The following ROBO1 variants were observed in gnomAD, a reference collection of about 807,000 sequenced individuals.
ROBO1 encodes the protein roundabout guidance receptor 1, also known as roundabout homolog 1.
Under a neutral mutation model 195.9 loss-of-function variants are expected in ROBO1, and 149 were observed. That is an observed-to-expected ratio of 0.76 (90% CI 0.67 to 0.87). The LOEUF is 0.87. Ranked by LOEUF, ROBO1 falls within the 40% of genes least tolerant of loss-of-function variation. ROBO1 has a pLI of 0.00. For missense variants in ROBO1, 1,933 were observed against 2,068.3 expected (o/e 0.93, Z 1.27); for synonymous variants, 816 against 733.2 (o/e 1.11, Z -1.82).
intron 4 of ROBO1, among the ~76,000 whole-genome samples, chr3:78,849,122 C>T (rs1489502509): frequency 2.0e-5 from 3 of 152,036 alleles, no homozygotes; most frequent in South Asian, 2.1e-4. Context: ...TGGGGAATTC[C>T]GTGAGTGGAG....
intron 2 of ROBO1, among the ~76,000 whole-genome samples, chr3:79,556,472 A>G (rs1365331253): frequency 6.6e-6 from 1 of 152,106 alleles, no homozygotes; most frequent in Non-Finnish European, 1.5e-5. Context: ...TGAACCATAG[A>G]CCATTGTAAT....
intron 4 of ROBO1, among the ~76,000 whole-genome samples, chr3:78,788,440 T>TAA (rs35773751): frequency 0.038 from 2,873 of 75,844 alleles, 88 homozygotes; most frequent in Non-Finnish European, 0.047. Context: ...TTTTTTTTTT[T>TAA]AAAAAAAAAA....
chr3:78,954,052 T>C (rs2040920480), intron 3 of ROBO1, among the ~76,000 whole-genome samples: 1 of 151,870 alleles, frequency 6.6e-6, no homozygotes, highest in Admixed American at 6.6e-5. Flanking sequence ...GCTAAATCTT[T>C]AGTTTAAGTT....
At chr3:79,376,247 T>C (rs923491569) in intron 2 of ROBO1, among the ~76,000 whole-genome samples, 1 of 152,196 alleles carries the variant, frequency 6.6e-6, no homozygotes, top group Non-Finnish European at 1.5e-5. Flanking sequence ...ACTACTCACA[T>C]CTAGTTACTA....
chr3:78,758,253 C>T (rs2082990423), intron 4 of ROBO1, among the ~76,000 whole-genome samples: 1 of 152,164 alleles, frequency 6.6e-6, no homozygotes, highest in African/African-American at 2.4e-5. Context: ...GGGGCAGTGG[C>T]TCACGCCTGT....
At chr3:79,738,513 T>C (rs1446570200) in intron 1 of ROBO1, among the ~76,000 whole-genome samples, 1 of 151,984 alleles carries the variant, frequency 6.6e-6, no homozygotes, top group Non-Finnish European at 1.5e-5. Context: ...ATAAAAAGTC[T>C]GTAGGTGCAT....
At chr3:79,479,081 G>A (rs1938693421) in intron 2 of ROBO1, among the ~76,000 whole-genome samples, 1 of 152,146 alleles carries the variant, frequency 6.6e-6, no homozygotes, top group Non-Finnish European at 1.5e-5. Context: ...CCCCTTTTTA[G>A]CATAGGCTCT....
intron 2 of ROBO1, among the ~76,000 whole-genome samples, chr3:79,586,559 T>C (rs1483785184): frequency 6.6e-6 from 1 of 151,976 alleles, no homozygotes; most frequent in East Asian, 1.9e-4. Flanking sequence ...GTGTTCTGTC[T>C]GATTTATTCA....
intron 2 of ROBO1, among the ~76,000 whole-genome samples, chr3:79,253,109 CAA>C (rs755603233): frequency 6.6e-5 from 10 of 151,966 alleles, no homozygotes; most frequent in Non-Finnish European, 1.3e-4. Context: ...TATGGGGCAC[CAA>C]AATAAAAATG....
intron 29 of ROBO1, among the ~76,000 whole-genome samples, chr3:78,601,026 CCTT>C (rs1179893335): frequency 6.6e-6 from 1 of 152,106 alleles, no homozygotes; most frequent in East Asian, 1.9e-4. Flanking sequence ...ATTTCTACCT[CCTT>C]AACTGCTTGA....
chr3:79,198,029 C>G (rs895799749), intron 2 of ROBO1, among the ~76,000 whole-genome samples: 9 of 151,968 alleles, frequency 5.9e-5, no homozygotes, highest in African/African-American at 1.7e-4. Context: ...TGTGGAGAAG[C>G]TCTTTAGTTT....
intron 2 of ROBO1, among the ~76,000 whole-genome samples, chr3:79,445,576 CG>C (rs1000835436): frequency 1.3e-5 from 2 of 149,522 alleles, no homozygotes; most frequent in Non-Finnish European, 3.0e-5. Context: ...CATGGCTCAC[CG>C]CAGCCTCAAA....
chr3:79,198,092 T>C (rs1394567570), intron 2 of ROBO1, among the ~76,000 whole-genome samples: 1 of 152,124 alleles, frequency 6.6e-6, no homozygotes, highest in Non-Finnish European at 1.5e-5. Flanking sequence ...TTTTGGTGTT[T>C]CAGTCATGAA....
chr3:79,119,634 G>A (rs1435061499), intron 3 of ROBO1, among the ~76,000 whole-genome samples: 1 of 152,152 alleles, frequency 6.6e-6, no homozygotes, highest in Non-Finnish European at 1.5e-5. Context: ...GTACCAAGTA[G>A]AGATGGTTTA....
intron 2 of ROBO1, among the ~76,000 whole-genome samples, chr3:79,234,887 A>G (rs2082381346): frequency 6.6e-6 from 1 of 152,110 alleles, no homozygotes. Context: ...TCATTACCTG[A>G]GTGACAGGAT....
At chr3:78,925,501 C>G (rs1337439282) in intron 4 of ROBO1, among the ~76,000 whole-genome samples, 1 of 152,166 alleles carries the variant, frequency 6.6e-6, no homozygotes, top group African/African-American at 2.4e-5. Context: ...AATTTGTGCG[C>G]AATCACTCAT....
At chr3:79,050,461 A>G (rs2078675572) in intron 3 of ROBO1, among the ~76,000 whole-genome samples, 1 of 152,052 alleles carries the variant, frequency 6.6e-6, no homozygotes, top group Admixed American at 6.6e-5. Flanking sequence ...AGACTTTAAC[A>G]CCCCACTACC....
intron 4 of ROBO1, among the ~76,000 whole-genome samples, chr3:78,795,193 G>A (rs1037394705): frequency 6.6e-6 from 1 of 152,034 alleles, no homozygotes. Context: ...CTACAAAGTT[G>A]ATCAATTACA....
At chr3:79,371,701 T>C (rs1246139873) in intron 2 of ROBO1, among the ~76,000 whole-genome samples, 4 of 152,196 alleles carry the variant, frequency 2.6e-5, no homozygotes, top group African/African-American at 9.6e-5. Context: ...AGACTGTTAA[T>C]GGACTGAATA....
Sources: gnomAD v4.1 joint callset for allele counts (sites outside exome capture counted in the v4.1 genomes callset) on GRCh38, gnomAD v4.1.1 for gene constraint, MANE v1.5 for transcripts, NCBI Gene and HGNC (gene_info 2026-07-23, HGNC 2026-07-21) for gene names.